DIS3L2: variants seen among roughly 807,000 people sequenced by gnomAD.
DIS3L2 encodes DIS3-like exonuclease 2.
In DIS3L2, 34 loss-of-function variants were observed where a neutral mutation model predicts 97.5. The ratio of observed to expected loss-of-function variants is 0.35; its 90% CI spans 0.27 to 0.46. The LOEUF (loss-of-function observed/expected upper bound fraction) is 0.46. Among genes scored for constraint, DIS3L2 ranks in the 20% least tolerant of loss-of-function variants. DIS3L2 has a pLI of 1.00. For synonymous variants in DIS3L2, 435 were observed against 445.2 expected, an observed-to-expected ratio of 0.98 and a Z score of 0.29; for missense variants, 1,038 against 1,146.0, an observed-to-expected ratio of 0.91 and a Z score of 1.36.
At chr2:232,163,702 A>G in intron 9 of DIS3L2, 70 bp downstream of exon 9, 3 of 1,487,248 alleles carry the variant, frequency 2.0e-6, no homozygotes, top group Non-Finnish European at 2.7e-6. Context: ...GGCTAGGCTT[A>G]GATGTTTTCA....
chr2:232,033,452 A>G (rs1347834395), intron 5 of DIS3L2, among the ~76,000 whole-genome samples: 1 of 152,188 alleles, frequency 6.6e-6, no homozygotes, highest in Non-Finnish European at 1.5e-5. Flanking sequence ...TCCTGTTTGA[A>G]TACCCTTTAT....
chr2:232,194,561 G>T (rs1691697469), intron 9 of DIS3L2, among the ~76,000 whole-genome samples: 2 of 152,214 alleles, frequency 1.3e-5, no homozygotes, highest in Admixed American at 1.3e-4. Flanking sequence ...AGAAGCCAGT[G>T]AAGGTTTTTG....
At chr2:232,248,612 A>G (rs1213063330) in intron 11 of DIS3L2, among the ~76,000 whole-genome samples, 2 of 152,246 alleles carry the variant, frequency 1.3e-5, no homozygotes, top group Non-Finnish European at 2.9e-5. Context: ...TGGAACAGAA[A>G]GATCAATAAG....
intron 1 of DIS3L2, among the ~76,000 whole-genome samples, chr2:231,989,876 GTTTTA>G: frequency 6.6e-6 from 1 of 152,158 alleles, no homozygotes; most frequent in South Asian, 2.1e-4. Flanking sequence ...TAAGATGTAG[GTTTTA>G]TTTGCTAGGG....
chr2:232,028,129 T>C (rs911865388), intron 4 of DIS3L2, among the ~76,000 whole-genome samples: 8 of 152,300 alleles, frequency 5.3e-5, no homozygotes, highest in African/African-American at 1.9e-4. Flanking sequence ...ATTTGTGTTG[T>C]CCTCCTTCCC....
chr2:232,299,973 A>T, intron 13 of DIS3L2, 67 bp from the exon 14 acceptor site: 1 of 1,493,632 alleles, frequency 6.7e-7, no homozygotes, highest in Non-Finnish European at 9.3e-7. Flanking sequence ...TATTTTTTTC[A>T]TTTCAGCTAT....
chr2:232,191,119 G>A (rs900475892), intron 9 of DIS3L2, among the ~76,000 whole-genome samples: 2 of 152,168 alleles, frequency 1.3e-5, no homozygotes, highest in South Asian at 2.1e-4. Flanking sequence ...GATCCTAAAC[G>A]TAAACATCTC....
Position 232,334,663 on chromosome 2 carries a change from G to A in DIS3L2, c.2322G>A (p.Val774=). ...ESGPLESEAM[V]MGILKQAFDV... Reference sequence around the variant, plus strand: ...GCCCCCTGGAGTCAGAAGCCATGGTGATGGGCATCCTGAAGCAAGCCTTCG... The same window carrying A: ...GCCCCCTGGAGTCAGAAGCCATGGTAATGGGCATCCTGAAGCAAGCCTTCG... The change falls in exon 19 of 21, where the codon GTG becomes GTA. Residue 774 remains valine (V), a synonymous_variant. Coordinates refer to ENST00000325385, the MANE Select transcript of DIS3L2 (RefSeq NM_152383.5). The A allele has an allele frequency of 6.2e-7, 1 of 1,610,338 alleles. No homozygotes were observed.
intron 12 of DIS3L2, among the ~76,000 whole-genome samples, chr2:232,259,101 C>T (rs1020422357): frequency 3.9e-5 from 6 of 152,058 alleles, no homozygotes; most frequent in African/African-American, 9.7e-5. Context: ...CTCAGCCCTT[C>T]GTGTATTTAA....
intron 6 of DIS3L2, among the ~76,000 whole-genome samples, chr2:232,098,516 G>C (rs1323906977): frequency 6.6e-6 from 1 of 151,920 alleles, no homozygotes. Flanking sequence ...ACCATGCCTG[G>C]TTAATTTTTG....
intron 8 of DIS3L2, among the ~76,000 whole-genome samples, chr2:232,161,469 C>T (rs963239012): frequency 6.6e-6 from 1 of 151,988 alleles, no homozygotes; most frequent in Non-Finnish European, 1.5e-5. Context: ...CTCTCCATTA[C>T]TTCCTTTCCT....
At chr2:232,254,362 G>C (rs1461872477) in intron 12 of DIS3L2, among the ~76,000 whole-genome samples, 1 of 152,076 alleles carries the variant, frequency 6.6e-6, no homozygotes, top group Admixed American at 6.5e-5. Context: ...TTTGGTGGGG[G>C]TGGGAGCATG....
Position 232,086,739 on chromosome 2 carries a change from G to T in DIS3L2, c.367-748G>T, listed in dbSNP as rs534663511. Among the ~76,000 whole-genome samples, 418 of 149,088 alleles carry T rather than the reference G, an allele frequency of 2.8e-3. 1 individual carries two copies. Among genetic ancestry groups the T allele is most frequent in the Non-Finnish European group, 4.6e-3 (311 of 67,518 alleles). On this transcript the variant is annotated intron_variant, in intron 5 of 20. Coordinates refer to ENST00000325385, the MANE Select transcript of DIS3L2 (RefSeq NM_152383.5). The stretch of plus-strand genomic sequence containing the variant: ...CACCCAGACTGGATGGAGTGCAGTG[G>T]TGCCATCTCGGCTCGCTGCAAGCTC...
chr2:232,024,372 A>AT, intron 4 of DIS3L2, 42 bp downstream of exon 4: 1 of 1,466,958 alleles, frequency 6.8e-7, no homozygotes, highest in Non-Finnish European at 9.4e-7. Context: ...GTCACATTTA[A>AT]TTTTTTAGAT....
intron 1 of DIS3L2, among the ~76,000 whole-genome samples, chr2:231,991,907 A>G (rs1693593707): frequency 6.6e-6 from 1 of 151,956 alleles, no homozygotes; most frequent in South Asian, 2.1e-4. Context: ...CTGGGGATAC[A>G]GTGATGAACG....
intron 14 of DIS3L2, among the ~76,000 whole-genome samples, chr2:232,318,421 T>A (rs115210556): frequency 6.6e-6 from 1 of 152,246 alleles, no homozygotes; most frequent in African/African-American, 2.4e-5. Context: ...GCAAACATTA[T>A]TGGACGCCTA....
At chr2:232,247,320 C>G (rs142515998) in intron 11 of DIS3L2, among the ~76,000 whole-genome samples, 1 of 152,244 alleles carries the variant, frequency 6.6e-6, no homozygotes, top group East Asian at 1.9e-4. Context: ...GCTTAAACAA[C>G]AGAGATTTAT....
At chr2:232,086,687 A>T (rs933747130) in intron 5 of DIS3L2, among the ~76,000 whole-genome samples, 10 of 139,472 alleles carry the variant, frequency 7.2e-5, no homozygotes, top group South Asian at 4.4e-4. Flanking sequence ...GTATATATAT[A>T]TTTTTTGAGA....
chr2:231,995,383 G>A (rs1574795678), intron 1 of DIS3L2, among the ~76,000 whole-genome samples: 1 of 152,254 alleles, frequency 6.6e-6, no homozygotes, highest in East Asian at 1.9e-4. Flanking sequence ...ACAATCCTGG[G>A]TTCTGAATGT....
Sources: gnomAD v4.1 joint callset for allele counts (sites outside exome capture counted in the v4.1 genomes callset) on GRCh38, gnomAD v4.1.1 for gene constraint, MANE v1.5 for transcripts, NCBI Gene and HGNC (gene_info 2026-07-23, HGNC 2026-07-21) for gene names.